Variants in SNTG1 observed in about 807,000 individuals in gnomAD.
SNTG1 encodes syntrophin gamma 1.
SNTG1 carries 39 observed loss-of-function variants against 74.7 expected under a neutral mutation model. The observed-to-expected ratio is 0.52, with a 90% confidence interval of 0.40 to 0.68. The LOEUF is 0.68. Among genes scored for constraint, SNTG1 ranks in the 30% least tolerant of loss-of-function variants. The pLI is 0.00. For missense variants in SNTG1, 685 were observed against 609.5 expected (o/e 1.12, Z -1.30); for synonymous variants, 254 against 217.1 (o/e 1.17, Z -1.49).
intron 1 of SNTG1, among the ~76,000 whole-genome samples, chr8:50,081,482 A>G (rs1822404370): frequency 6.6e-6 from 1 of 152,000 alleles, no homozygotes; most frequent in Admixed American, 6.6e-5. Context: ...ATTTTCAATT[A>G]TTATTTTTTC....
chr8:50,113,660 C>T (rs1023082503), intron 1 of SNTG1, among the ~76,000 whole-genome samples: 1 of 152,112 alleles, frequency 6.6e-6, no homozygotes, highest in Admixed American at 6.6e-5. Flanking sequence ...CTGTCTTGTG[C>T]CAGTTTTCAA....
At chr8:50,402,371 T>C in intron 4 of SNTG1, 27 bp downstream of exon 4, 2 of 1,562,622 alleles carry the variant, frequency 1.3e-6, no homozygotes, top group Non-Finnish European at 1.7e-6. Flanking sequence ...TCTGTTGAAA[T>C]TTTTTGTGTT....
chr8:50,354,005 C>A (rs2091744848), intron 2 of SNTG1, among the ~76,000 whole-genome samples: 1 of 152,210 alleles, frequency 6.6e-6, no homozygotes, highest in South Asian at 2.1e-4. Flanking sequence ...GAGCCCTCAG[C>A]AGGGAGTTTC....
intron 8 of SNTG1, among the ~76,000 whole-genome samples, chr8:50,462,957 C>T (rs954128914): frequency 3.3e-5 from 5 of 151,886 alleles, no homozygotes; most frequent in Non-Finnish European, 5.9e-5. Flanking sequence ...GCTCGGACTA[C>T]AGGTGTGCAC....
At chr8:50,637,252 T>G (rs914754140) in intron 13 of SNTG1, among the ~76,000 whole-genome samples, 2 of 152,176 alleles carry the variant, frequency 1.3e-5, no homozygotes, top group Non-Finnish European at 2.9e-5. Context: ...TGTTTTACGA[T>G]GATTAAAATT....
intron 1 of SNTG1, among the ~76,000 whole-genome samples, chr8:50,037,787 A>G (rs1484811): frequency 0.034 from 5,211 of 152,300 alleles, 219 homozygotes; most frequent in South Asian, 0.13. Flanking sequence ...TATAATAGCA[A>G]TAAGCCAGGG....
chr8:50,474,806 A>G (rs954359802), intron 8 of SNTG1, among the ~76,000 whole-genome samples: 1 of 152,176 alleles, frequency 6.6e-6, no homozygotes, highest in Non-Finnish European at 1.5e-5. Context: ...TATTCACAAT[A>G]GCAAAGACTT....
chr8:50,267,925 C>G (rs1354141221), intron 2 of SNTG1, among the ~76,000 whole-genome samples: 1 of 152,090 alleles, frequency 6.6e-6, no homozygotes, highest in African/African-American at 2.4e-5. Context: ...TTATTCAATA[C>G]AGTACTAGAA....
At chr8:50,350,978 A>G (rs925978305) in intron 2 of SNTG1, among the ~76,000 whole-genome samples, 2 of 152,192 alleles carry the variant, frequency 1.3e-5, no homozygotes, top group African/African-American at 2.4e-5. Flanking sequence ...GCTCTTTGCA[A>G]TAAATCTTGT....
chr8:50,350,793 A>T (rs904780099), intron 2 of SNTG1, among the ~76,000 whole-genome samples: 1 of 152,186 alleles, frequency 6.6e-6, no homozygotes, highest in Non-Finnish European at 1.5e-5. Flanking sequence ...TGTCTAGCTC[A>T]GGGATTGTAA....
chr8:50,032,179 C>T (rs1406002336), intron 1 of SNTG1, among the ~76,000 whole-genome samples: 5 of 151,632 alleles, frequency 3.3e-5, no homozygotes, highest in African/African-American at 9.7e-5. Flanking sequence ...CTTCTCAATT[C>T]GTTTTTTCTT....
At chr8:50,496,446 CT>C (rs1167139078) in intron 8 of SNTG1, among the ~76,000 whole-genome samples, 5 of 152,122 alleles carry the variant, frequency 3.3e-5, no homozygotes, top group Non-Finnish European at 7.4e-5. Flanking sequence ...GCAAGCTCAG[CT>C]ATGGGTATCC....
At chr8:50,207,466 A>G (rs576073186) in intron 2 of SNTG1, among the ~76,000 whole-genome samples, 2 of 151,416 alleles carry the variant, frequency 1.3e-5, no homozygotes, top group African/African-American at 2.4e-5. Flanking sequence ...TTTCTTCTTT[A>G]TTAGTCTTGC....
intron 5 of SNTG1, among the ~76,000 whole-genome samples, chr8:50,442,846 T>G (rs910122882): frequency 3.9e-5 from 6 of 152,270 alleles, no homozygotes; most frequent in African/African-American, 1.4e-4. Context: ...CAGAAACTGC[T>G]CCTTTGAAGC....
intron 12 of SNTG1, among the ~76,000 whole-genome samples, chr8:50,589,298 C>T (rs1563618026): frequency 6.6e-6 from 1 of 152,156 alleles, no homozygotes; most frequent in East Asian, 1.9e-4. Flanking sequence ...AACAATTCCT[C>T]ACAGGTAAAT....
At chr8:50,232,708 T>C (rs1216623386) in intron 2 of SNTG1, among the ~76,000 whole-genome samples, 1 of 151,472 alleles carries the variant, frequency 6.6e-6, no homozygotes, top group Non-Finnish European at 1.5e-5. Context: ...ACTAACTTCC[T>C]AGAACTAATA....
intron 1 of SNTG1, among the ~76,000 whole-genome samples, chr8:50,110,900 T>C (rs1316377484): frequency 6.6e-6 from 1 of 152,184 alleles, no homozygotes; most frequent in Non-Finnish European, 1.5e-5. Context: ...GATGCTTACA[T>C]TGGAATTTCA....
intron 1 of SNTG1, among the ~76,000 whole-genome samples, chr8:49,972,793 G>A (rs11784738): frequency 0.11 from 16,405 of 152,044 alleles, 1,327 homozygotes; most frequent in African/African-American, 0.21. Flanking sequence ...TCAGAGAAAC[G>A]CAAATCAGAA....
intron 18 of SNTG1, among the ~76,000 whole-genome samples, chr8:50,785,748 A>G (rs1312210432): frequency 6.6e-6 from 1 of 151,982 alleles, no homozygotes; most frequent in African/African-American, 2.4e-5. Flanking sequence ...TAATGGGGGT[A>G]GATGAAACAA....
Sources: gnomAD v4.1 joint callset for allele counts (sites outside exome capture counted in the v4.1 genomes callset) on GRCh38, gnomAD v4.1.1 for gene constraint, MANE v1.5 for transcripts, NCBI Gene and HGNC (gene_info 2026-07-23, HGNC 2026-07-21) for gene names.